The following SSBP2 variants were observed in gnomAD, a reference collection of about 807,000 sequenced individuals.
SSBP2 encodes the protein single stranded DNA binding protein 2.
Under a neutral mutation model 61.8 loss-of-function variants are expected in SSBP2, and 17 were observed. The ratio of observed to expected loss-of-function variants is 0.28; its 90% CI spans 0.19 to 0.41. The LOEUF (loss-of-function observed/expected upper bound fraction) is 0.41. Ranked by LOEUF, SSBP2 falls within the 10% of genes least tolerant of loss-of-function variation. SSBP2 has a pLI of 1.00. For synonymous variants in SSBP2, 139 were observed against 141.3 expected (o/e 0.98, Z 0.12); for missense variants, 310 against 458.7 (o/e 0.68, Z 2.96).
intron 1 of SSBP2, among the ~76,000 whole-genome samples, chr5:81,685,087 GCTCT>G (rs537844737): frequency 4.7e-4 from 71 of 151,868 alleles, no homozygotes; most frequent in African/African-American, 1.6e-3. Context: ...CCCTTCACTC[GCTCT>G]CTCTCTCCTG....
chr5:81,544,082 C>T (rs1208093211), intron 4 of SSBP2, among the ~76,000 whole-genome samples: 2 of 152,192 alleles, frequency 1.3e-5, no homozygotes, highest in Middle Eastern at 3.2e-3. Context: ...CGGAGTCTCG[C>T]TCTGTGGCCC....
At chr5:81,552,125 T>C (rs1458148015) in intron 4 of SSBP2, among the ~76,000 whole-genome samples, 1 of 152,190 alleles carries the variant, frequency 6.6e-6, no homozygotes, top group Non-Finnish European at 1.5e-5. Context: ...ATTATCTTGG[T>C]TAGTGAGTAT....
At chr5:81,542,012 A>T (rs1157996337) in intron 4 of SSBP2, among the ~76,000 whole-genome samples, 1 of 152,172 alleles carries the variant, frequency 6.6e-6, no homozygotes, top group Non-Finnish European at 1.5e-5. Context: ...GTATTCACAA[A>T]CTCTGCATTC....
chr5:81,593,183 A>G (rs959670562), intron 4 of SSBP2, among the ~76,000 whole-genome samples: 11 of 152,242 alleles, frequency 7.2e-5, no homozygotes, highest in African/African-American at 2.7e-4. Flanking sequence ...CACGAGAGCT[A>G]CATGACAAAT....
chr5:81,530,246 T>C (rs1201878865), intron 4 of SSBP2, among the ~76,000 whole-genome samples: 1 of 152,060 alleles, frequency 6.6e-6, no homozygotes, highest in Non-Finnish European at 1.5e-5. Flanking sequence ...CGAGTTAATA[T>C]AGATGAAGCA....
Position 81,457,067 on chromosome 5 carries a change from T to C in SSBP2, c.687+3988A>G, listed in dbSNP as rs149264462. ...TCTGTTAGTTGAGAGGGCCTAAAAGTTGTATTACTCTAGTGGGTTCTAAAT... is the reference window on the plus strand; with the variant it reads ...TCTGTTAGTTGAGAGGGCCTAAAAGCTGTATTACTCTAGTGGGTTCTAAAT... On this transcript the variant is annotated intron_variant, in intron 10 of 16. Transcript: ENST00000320672. Among the ~76,000 whole-genome samples the C allele has an allele frequency of 2.4e-3, 358 of 152,266 alleles. 1 individual carries two copies. Among genetic ancestry groups the C allele is most frequent in the African/African-American group, 8.2e-3 (340 of 41,544 alleles).
At chr5:81,625,803 A>G (rs1376847481) in intron 3 of SSBP2, among the ~76,000 whole-genome samples, 2 of 152,228 alleles carry the variant, frequency 1.3e-5, no homozygotes, top group African/African-American at 2.4e-5. Flanking sequence ...GTGAATAAAC[A>G]TGCCAGATGT....
chr5:81,416,615 GAT>G lies in SSBP2; in HGVS notation c.*3887_*3888del, dbSNP rs1464938640. ...CCTAGGGACAATATGATGAAGAAAA[GAT>G]ATAGACAGATGTGGGACTTCTTCAT... On this transcript the variant is annotated 3_prime_UTR_variant, in exon 17 of 17. Transcript: ENST00000320672. The G allele has an allele frequency of 6.6e-6, 1 of 152,186 alleles. No individual in the cohort carries two copies. Among genetic ancestry groups the G allele is most frequent in the Non-Finnish European group, 1.5e-5 (1 of 68,042 alleles). 9.4% of individuals were successfully genotyped at this position (152,186 alleles called of 1,614,324 possible).
chr5:81,493,255 T>C lies in SSBP2; in HGVS notation c.373-3946A>G, dbSNP rs570904589. Among the ~76,000 whole-genome samples the C allele has an allele frequency of 4.9e-3, 316 of 64,374 alleles. 2 individuals carry two copies. The highest frequency in any genetic ancestry group is 0.015 in the African/African-American group (302 of 19,870). The allele number at this position is 64,374 out of a possible 152,430, so 42.2% of individuals were successfully genotyped here. ...TATATATTTGAATGAACAAAACAGA[T>C]AGATAGATAGATAGATAGATAGATA... On this transcript the variant is annotated intron_variant, in intron 5 of 16. Coordinates refer to ENST00000320672, the MANE Select transcript of SSBP2 (RefSeq NM_012446.5).
Position 81,437,425 on chromosome 5 carries a change from C to T in SSBP2, c.957+5G>A, listed in dbSNP as rs771963250. On this transcript the variant is annotated splice_donor_5th_base_variant and intron_variant, in intron 15 of 16. Transcript: ENST00000320672. ...TAAAAACAACACAGAATACACAGCA[C>T]TCACCTTGGAAATACTGTCCATATC... 1.9e-6 allele frequency: 3 copies of T among 1,606,706 alleles called. No homozygotes were observed. The African/African-American group carries it at 4.0e-5, about 22-fold the overall frequency.
rs556098015 is a variant in SSBP2, at chr5:81,418,493, A to C, written c.*2011T>G. 1 of 152,336 alleles carries C rather than the reference A, an allele frequency of 6.6e-6. No homozygotes were observed. Among genetic ancestry groups the C allele is most frequent in the East Asian group, 1.9e-4 (1 of 5,192 alleles). 9.4% of individuals were successfully genotyped at this position (152,336 alleles called of 1,614,324 possible). ...AAATCATTATGAATTTGAGAGAAGT[A>C]AGTCATCAGGAACTAGTACATACAG... On this transcript the variant is annotated 3_prime_UTR_variant, in exon 17 of 17. Coordinates refer to ENST00000320672, the MANE Select transcript of SSBP2 (RefSeq NM_012446.5).
chr5:81,703,856 C>T (rs1478155354), intron 1 of SSBP2, among the ~76,000 whole-genome samples: 1 of 152,178 alleles, frequency 6.6e-6, no homozygotes, highest in Non-Finnish European at 1.5e-5. Context: ...ATTGTACCCA[C>T]TAACAAATTC....
intron 1 of SSBP2, among the ~76,000 whole-genome samples, chr5:81,674,301 G>A (rs1386970623): frequency 3.3e-5 from 5 of 152,040 alleles, no homozygotes; most frequent in African/African-American, 4.8e-5. Flanking sequence ...TAGCACAACC[G>A]CTACCACTCT....
chr5:81,648,860 T>A (rs1013021493), intron 2 of SSBP2, among the ~76,000 whole-genome samples: 3 of 152,018 alleles, frequency 2.0e-5, no homozygotes, highest in African/African-American at 4.8e-5. Context: ...ATTTTAGTAA[T>A]ATATTTTATT....
intron 1 of SSBP2, among the ~76,000 whole-genome samples, chr5:81,720,040 T>C (rs1420826209): frequency 6.6e-6 from 1 of 152,096 alleles, no homozygotes; most frequent in Non-Finnish European, 1.5e-5. Context: ...TATCCAGCCC[T>C]GGAGGAGTAG....
At chr5:81,493,838 T>C (rs530439979) in intron 5 of SSBP2, among the ~76,000 whole-genome samples, 29 of 152,244 alleles carry the variant, frequency 1.9e-4, no homozygotes, top group South Asian at 1.9e-3. Flanking sequence ...GCTCAAGTGA[T>C]TATCCTGCCT....
chr5:81,590,863 G>C (rs1775445029), intron 4 of SSBP2, among the ~76,000 whole-genome samples: 1 of 152,064 alleles, frequency 6.6e-6, no homozygotes, highest in South Asian at 2.1e-4. Flanking sequence ...TCCAGCCCTG[G>C]GGAAGAAGTA....
chr5:81,484,505 A>G (rs1299858979), intron 6 of SSBP2, among the ~76,000 whole-genome samples: 1 of 152,118 alleles, frequency 6.6e-6, no homozygotes, highest in Non-Finnish European at 1.5e-5. Flanking sequence ...CAAAGTCATA[A>G]GAAAATACTA....
At chr5:81,472,633 A>G (rs1765324344) in intron 8 of SSBP2, among the ~76,000 whole-genome samples, 1 of 151,904 alleles carries the variant, frequency 6.6e-6, no homozygotes, top group African/African-American at 2.4e-5. Flanking sequence ...AGTTTTTGCT[A>G]TTGTTCCCCA....
Sources: gnomAD v4.1 joint callset for allele counts (sites outside exome capture counted in the v4.1 genomes callset) on GRCh38, gnomAD v4.1.1 for gene constraint, MANE v1.5 for transcripts, NCBI Gene and HGNC (gene_info 2026-07-23, HGNC 2026-07-21) for gene names.